UNC5D: variants seen among roughly 807,000 people sequenced by gnomAD.
The protein encoded by UNC5D is netrin receptor UNC5D.
In UNC5D, 39 loss-of-function variants were observed where a neutral mutation model predicts 105.4. The observed-to-expected ratio is 0.37, with a 90% CI of 0.29 to 0.48. UNC5D has a LOEUF of 0.48. Among genes scored for constraint, UNC5D ranks in the 20% least tolerant of loss-of-function variants. The pLI, the probability that UNC5D is intolerant of heterozygous loss-of-function variation, is 0.98. For synonymous variants in UNC5D, 452 were observed against 450.4 expected (o/e 1.00, Z -0.04); for missense variants, 991 against 1,202.4 (o/e 0.82, Z 2.60).
chr8:35,777,420 A>G (rs1802299710), intron 16 of UNC5D, among the ~76,000 whole-genome samples: 1 of 152,180 alleles, frequency 6.6e-6, no homozygotes, highest in African/African-American at 2.4e-5. Flanking sequence ...AAACAATAAT[A>G]CTAAATAAAT....
At chr8:35,759,502 C>T in intron 14 of UNC5D, 33 bp downstream of exon 14, 1 of 1,595,578 alleles carries the variant, frequency 6.3e-7, no homozygotes, top group Non-Finnish European at 8.5e-7. Flanking sequence ...ACAGAAACGG[C>T]TTTGCTTTAA....
intron 1 of UNC5D, among the ~76,000 whole-genome samples, chr8:35,516,192 C>T (rs1376847457): frequency 1.3e-5 from 2 of 152,246 alleles, no homozygotes; most frequent in East Asian, 3.9e-4. Flanking sequence ...ATTTTCCAGT[C>T]TTGGACCACT....
At chr8:35,782,163 G>A (rs1366717310) in intron 16 of UNC5D, among the ~76,000 whole-genome samples, 1 of 152,190 alleles carries the variant, frequency 6.6e-6, no homozygotes, top group Non-Finnish European at 1.5e-5. Flanking sequence ...TTTGCTGTTT[G>A]TTGACTACCC....
At chr8:35,790,103 G>C (rs917790185) in intron 16 of UNC5D, among the ~76,000 whole-genome samples, 3 of 152,234 alleles carry the variant, frequency 2.0e-5, no homozygotes, top group African/African-American at 7.2e-5. Context: ...GACAGAGCAA[G>C]ACCCTGTATC....
At chr8:35,616,200 C>T (rs911412262) in intron 4 of UNC5D, among the ~76,000 whole-genome samples, 2 of 152,140 alleles carry the variant, frequency 1.3e-5, no homozygotes, top group Non-Finnish European at 2.9e-5. Context: ...AGGTAGATAC[C>T]GAGTGATCTG....
chr8:35,535,097 C>A (rs1814732408), intron 1 of UNC5D, among the ~76,000 whole-genome samples: 1 of 152,108 alleles, frequency 6.6e-6, no homozygotes, highest in African/African-American at 2.4e-5. Context: ...CATCTCCTGA[C>A]CCAGACCCTG....
chr8:35,715,104 T>C (rs1828181965), intron 8 of UNC5D, among the ~76,000 whole-genome samples: 1 of 152,228 alleles, frequency 6.6e-6, no homozygotes, highest in Non-Finnish European at 1.5e-5. Context: ...TGTGCCAAGA[T>C]TGTGCTATTG....
At chr8:35,404,499 G>A (rs948350134) in intron 1 of UNC5D, among the ~76,000 whole-genome samples, 7 of 152,136 alleles carry the variant, frequency 4.6e-5, no homozygotes, top group Non-Finnish European at 8.8e-5. Context: ...TGTCATCTAG[G>A]AGATTATTAG....
At chr8:35,743,171 A>C (rs1829844586) in intron 11 of UNC5D, among the ~76,000 whole-genome samples, 1 of 152,182 alleles carries the variant, frequency 6.6e-6, no homozygotes, top group Non-Finnish European at 1.5e-5. Context: ...AAATGGACTT[A>C]ACAGATATTT....
intron 3 of UNC5D, among the ~76,000 whole-genome samples, chr8:35,594,296 C>A (rs530667782): frequency 6.6e-6 from 1 of 152,130 alleles, no homozygotes; most frequent in African/African-American, 2.4e-5. Flanking sequence ...CATGGCTTGC[C>A]GTGCTTGTTA....
At chr8:35,243,352 A>T (rs562252503) in intron 1 of UNC5D, among the ~76,000 whole-genome samples, 1 of 152,196 alleles carries the variant, frequency 6.6e-6, no homozygotes, top group Admixed American at 6.5e-5. Context: ...AATATAAAGC[A>T]TTTATAAAGA....
chr8:35,585,496 A>G (rs1395007404), intron 3 of UNC5D, among the ~76,000 whole-genome samples: 1 of 151,602 alleles, frequency 6.6e-6, no homozygotes, highest in Non-Finnish European at 1.5e-5. Context: ...GGAAGATGTC[A>G]TATATATAAT....
Position 35,419,561 on chromosome 8 carries a change from G to GGTC in UNC5D, c.104-129730_104-129728dup, listed in dbSNP as rs111772541. On this transcript the variant is annotated intron_variant, in intron 1 of 16. Coordinates refer to ENST00000404895, the MANE Select transcript of UNC5D (RefSeq NM_080872.4). Reference sequence around the variant, plus strand: ...GTGGCTTTTGCTTGGGGAGTCCCAAGGTCCGAGCCCCCAAGGGCTGTTACA... The same window carrying GGTC: ...GTGGCTTTTGCTTGGGGAGTCCCAAGGTCGTCCGAGCCCCCAAGGGCTGTTACA... Among the ~76,000 whole-genome samples the GGTC allele has an allele frequency of 5.9e-5, 9 of 152,294 alleles. 1 individual carries two copies. Among genetic ancestry groups the GGTC allele is most frequent in the African/African-American group, 2.2e-4 (9 of 41,566 alleles).
At position 35,671,793 on chromosome 8, in the gene UNC5D, TAG is replaced by T. The variant is rs1425219567; in HGVS notation, c.571-11751_571-11750del. 3.3e-5 allele frequency among the ~76,000 whole-genome samples: 5 copies of T among 152,150 alleles called. No homozygotes were observed. In the South Asian group the frequency reaches 6.2e-4, roughly 19 times the overall value. On this transcript the variant is annotated intron_variant, in intron 4 of 16. Coordinates refer to ENST00000404895, the MANE Select transcript of UNC5D (RefSeq NM_080872.4). ...CAAAGGAATAGAAGATGAATAAGTG[TAG>T]AGTCTTTTTGGTTTTTTTTTCAGGA...
chr8:35,441,385 A>G (rs1585850773), intron 1 of UNC5D, among the ~76,000 whole-genome samples: 1 of 151,998 alleles, frequency 6.6e-6, no homozygotes, highest in East Asian at 1.9e-4. Flanking sequence ...TTTATAAATC[A>G]CACTTCATTA....
At chr8:35,569,338 G>A (rs2130790314) in intron 3 of UNC5D, among the ~76,000 whole-genome samples, 1 of 152,176 alleles carries the variant, frequency 6.6e-6, no homozygotes, top group East Asian at 1.9e-4. Context: ...GATGGTTATT[G>A]TTGTTTTATT....
chr8:35,533,566 G>T (rs1001856731), intron 1 of UNC5D, among the ~76,000 whole-genome samples: 3 of 152,220 alleles, frequency 2.0e-5, no homozygotes, highest in African/African-American at 7.2e-5. Context: ...GAGCTGTGGT[G>T]GGCTCCACCC....
intron 1 of UNC5D, among the ~76,000 whole-genome samples, chr8:35,480,502 G>A (rs1810413418): frequency 6.6e-6 from 1 of 152,044 alleles, no homozygotes; most frequent in Non-Finnish European, 1.5e-5. Context: ...AGTTTTCCTG[G>A]CAGAAAGAGA....
intron 1 of UNC5D, among the ~76,000 whole-genome samples, chr8:35,533,160 T>A (rs1814537238): frequency 6.6e-6 from 1 of 152,198 alleles, no homozygotes; most frequent in Admixed American, 6.5e-5. Context: ...GTTCTGTTTT[T>A]TCCCCATCTT....
Sources: allele counts gnomAD v4.1 joint callset (sites outside exome capture counted in the v4.1 genomes callset), GRCh38; gene constraint gnomAD v4.1.1; transcripts MANE v1.5; gene names NCBI Gene and HGNC (gene_info 2026-07-23, HGNC 2026-07-21).